The following CAST variants were observed in gnomAD, a reference collection of about 807,000 sequenced individuals.
CAST encodes the protein MIR583 host.
A neutral mutation model predicts 119.6 loss-of-function variants in CAST; 76 were observed. The ratio of observed to expected loss-of-function variants is 0.64; its 90% CI spans 0.53 to 0.77. The LOEUF is 0.77. Among genes scored for constraint, CAST ranks in the 30% least tolerant of loss-of-function variants. The probability of loss-of-function intolerance (pLI) is 0.00; values close to 1 mark genes in which losing one functional copy is unlikely to be tolerated. For synonymous variants in CAST, 319 were observed against 331.6 expected, an observed-to-expected ratio of 0.96 and a Z score of 0.41; for missense variants, 953 against 946.5, an observed-to-expected ratio of 1.01 and a Z score of -0.09.
intron 1 of CAST, among the ~76,000 whole-genome samples, chr5:96,650,728 TTG>T (rs34230121): frequency 0.62 from 87,748 of 141,886 alleles, 27,817 homozygotes; most frequent in South Asian, 0.79. Flanking sequence ...ACCCACTTAA[TTG>T]TGTGTGTGTG....
the CAST span, among the ~76,000 whole-genome samples, chr5:96,273,621 T>C: frequency 6.6e-6 from 1 of 152,238 alleles, no homozygotes; most frequent in African/African-American, 2.4e-5. Flanking sequence ...CTTTCAGGCA[T>C]GTAAGATTTA....
the CAST span, among the ~76,000 whole-genome samples, chr5:96,369,151 T>A: frequency 6.6e-6 from 1 of 151,606 alleles, no homozygotes; most frequent in Admixed American, 6.6e-5. Flanking sequence ...TTTTATATAT[T>A]TTTTCTATTT....
At chr5:96,438,149 T>C in the CAST span, among the ~76,000 whole-genome samples, 3 of 152,156 alleles carry the variant, frequency 2.0e-5, no homozygotes, top group Admixed American at 6.5e-5. Flanking sequence ...ATTTTTTAAA[T>C]GTGGCACCCA....
the CAST span, among the ~76,000 whole-genome samples, chr5:96,046,258 CATATT>C: frequency 2.0e-5 from 3 of 151,826 alleles, no homozygotes; most frequent in African/African-American, 7.3e-5. Context: ...ATATAATAAA[CATATT>C]AGAGTGAGTA....
At chr5:96,350,099 G>A in the CAST span, among the ~76,000 whole-genome samples, 9 of 152,164 alleles carry the variant, frequency 5.9e-5, no homozygotes, top group South Asian at 2.1e-4. Flanking sequence ...AATCAATTTA[G>A]AAAGTTTATT....
At chr5:96,188,481 T>A in the CAST span, among the ~76,000 whole-genome samples, 71 of 152,264 alleles carry the variant, frequency 4.7e-4, no homozygotes, top group African/African-American at 1.7e-3. Flanking sequence ...TTTGATATTA[T>A]GTTATTAATT....
the CAST span, among the ~76,000 whole-genome samples, chr5:95,986,914 A>C: frequency 6.6e-6 from 1 of 152,154 alleles, no homozygotes; most frequent in African/African-American, 2.4e-5. Context: ...AAAATGCTGC[A>C]CAGAGGCCTG....
chr5:96,319,356 G>C, the CAST span, among the ~76,000 whole-genome samples: 3 of 152,070 alleles, frequency 2.0e-5, no homozygotes, highest in Non-Finnish European at 4.4e-5. Flanking sequence ...ACCATATCAG[G>C]TAAATGCTAT....
the CAST span, among the ~76,000 whole-genome samples, chr5:95,971,731 T>C: frequency 6.6e-6 from 1 of 152,188 alleles, no homozygotes; most frequent in African/African-American, 2.4e-5. Context: ...GTCTGGCTTC[T>C]TTCACTTAGC....
chr5:95,965,424 G>A, the CAST span, among the ~76,000 whole-genome samples: 1 of 152,190 alleles, frequency 6.6e-6, no homozygotes, highest in Non-Finnish European at 1.5e-5. Context: ...AGGGCATTCT[G>A]TCTTATACCT....
At chr5:96,594,981 G>A (rs1366188034) in intron 1 of CAST, among the ~76,000 whole-genome samples, 1 of 152,172 alleles carries the variant, frequency 6.6e-6, no homozygotes, top group African/African-American at 2.4e-5. Context: ...TTTGTCCTGA[G>A]TGTGTCAAAT....
the CAST span, among the ~76,000 whole-genome samples, chr5:96,478,697 G>A: frequency 6.6e-6 from 1 of 152,174 alleles, no homozygotes; most frequent in African/African-American, 2.4e-5. Context: ...TCGAACATCT[G>A]AATTTCTTTA....
At chr5:96,265,352 G>A in the CAST span, among the ~76,000 whole-genome samples, 2 of 152,000 alleles carry the variant, frequency 1.3e-5, no homozygotes, top group African/African-American at 4.8e-5. Flanking sequence ...GTATACATAT[G>A]TAGTAAATTC....
the CAST span, among the ~76,000 whole-genome samples, chr5:96,384,846 C>A: frequency 7.2e-5 from 11 of 152,062 alleles, no homozygotes; most frequent in South Asian, 2.1e-4. Flanking sequence ...TCTTAGTACA[C>A]GCTAGTATAT....
chr5:96,626,942 A>T (rs190076013), intron 1 of CAST, among the ~76,000 whole-genome samples: 8 of 152,298 alleles, frequency 5.3e-5, no homozygotes, highest in African/African-American at 1.7e-4. Flanking sequence ...ATTTTCAGTA[A>T]ATTCTGCATT....
rs6894412 is a variant in CAST, at chr5:96,566,839, T to C, written c.60+36959T>C. On this transcript the variant is annotated intron_variant, in intron 1 of 11. Coordinates refer to the CAST transcript ENST00000505143. ...ACTGCCACAACTTTGAGCATAGAAATGGAGTTTTAAAATAATCAAGATGGT... is the reference window on the plus strand; with the variant it reads ...ACTGCCACAACTTTGAGCATAGAAACGGAGTTTTAAAATAATCAAGATGGT... 9.6e-3 allele frequency among the ~76,000 whole-genome samples: 1,464 copies of C among 152,308 alleles called. 29 individuals carry two copies. The highest frequency in any genetic ancestry group is 0.033 in the African/African-American group (1,384 of 41,582).
At chr5:96,367,553 C>T in the CAST span, among the ~76,000 whole-genome samples, 5 of 152,090 alleles carry the variant, frequency 3.3e-5, no homozygotes, top group Non-Finnish European at 7.3e-5. Context: ...CTTGCTGCCA[C>T]CTTGCAGTTC....
the CAST span, among the ~76,000 whole-genome samples, chr5:96,269,962 G>C: frequency 6.6e-6 from 1 of 152,094 alleles, no homozygotes; most frequent in Non-Finnish European, 1.5e-5. Context: ...GGCCAATATT[G>C]CTGATAAATA....
intron 1 of CAST, among the ~76,000 whole-genome samples, chr5:96,596,743 A>G (rs558583379): frequency 6.6e-6 from 1 of 152,296 alleles, no homozygotes; most frequent in African/African-American, 2.4e-5. Flanking sequence ...AATTCAACCT[A>G]CAGCACCATG....
Sources: gnomAD v4.1 joint callset for allele counts (sites outside exome capture counted in the v4.1 genomes callset) on GRCh38, gnomAD v4.1.1 for gene constraint, MANE v1.5 for transcripts, NCBI Gene and HGNC (gene_info 2026-07-23, HGNC 2026-07-21) for gene names.